The following MFNG variants were observed in gnomAD, a reference collection of about 807,000 sequenced individuals.
The protein encoded by MFNG is beta-1,3-N-acetylglucosaminyltransferase manic fringe.
MFNG carries 24 observed loss-of-function variants against 34.2 expected under a neutral mutation model. The ratio of observed to expected loss-of-function variants is 0.70; its 90% CI spans 0.51 to 0.99. The LOEUF (loss-of-function observed/expected upper bound fraction) is 0.99, where lower values mean the gene tolerates loss of function less well. Ranked by LOEUF, MFNG falls within the 50% of genes least tolerant of loss-of-function variation. MFNG has a pLI of 0.00. For missense variants in MFNG, 383 were observed against 424.0 expected (o/e 0.90, Z 0.85); for synonymous variants, 158 against 179.2 (o/e 0.88, Z 0.94).
chr22:37,472,809 C>G, intron 6 of MFNG: 1 of 313,368 alleles, frequency 3.2e-6, no homozygotes. Flanking sequence ...TGAGGCTCAA[C>G]AGGAAAAGGC....
chr22:37,480,609 G>A, intron 2 of MFNG, 112 bp downstream of exon 2: 1 of 1,035,210 alleles, frequency 9.7e-7, no homozygotes, highest in Non-Finnish European at 1.5e-6. Flanking sequence ...ATCTCCACAT[G>A]CCAAGGGTGG....
chr22:37,473,358 G>A (rs1921892088), intron 6 of MFNG, among the ~76,000 whole-genome samples: 1 of 152,070 alleles, frequency 6.6e-6, no homozygotes, highest in Admixed American at 6.6e-5. Context: ...GAACCCGGGA[G>A]GTGGAGGTTG....
chr22:37,472,924 C>A (rs140608847), intron 6 of MFNG, among the ~76,000 whole-genome samples: 257 of 152,284 alleles, frequency 1.7e-3, no homozygotes, highest in African/African-American at 5.7e-3. Context: ...CTCCACCAGG[C>A]AGTGACGACA....
At chr22:37,475,899 G>C (rs913595525) in intron 5 of MFNG, among the ~76,000 whole-genome samples, 1 of 152,190 alleles carries the variant, frequency 6.6e-6, no homozygotes, top group African/African-American at 2.4e-5. Flanking sequence ...CAATGAGCCC[G>C]CTCTTGTCCA....
intron 4 of MFNG, among the ~76,000 whole-genome samples, chr22:37,477,802 G>C (rs946100354): frequency 6.6e-5 from 10 of 152,252 alleles, no homozygotes; most frequent in African/African-American, 2.4e-4. Flanking sequence ...TCATTCCAAG[G>C]ACTTGGAGAG....
chr22:37,475,041 T>C (rs1032693827), intron 5 of MFNG, among the ~76,000 whole-genome samples: 3 of 152,072 alleles, frequency 2.0e-5, no homozygotes, highest in African/African-American at 4.8e-5. Flanking sequence ...GATACAGAGA[T>C]GAGAAAGAAA....
chr22:37,471,676 C>T (rs546969482), intron 7 of MFNG, among the ~76,000 whole-genome samples: 1 of 152,070 alleles, frequency 6.6e-6, no homozygotes, highest in South Asian at 2.1e-4. Flanking sequence ...ACTAAAAACA[C>T]AAAAATTAGC....
intron 5 of MFNG, among the ~76,000 whole-genome samples, 185 bp from the exon 6 acceptor site, chr22:37,474,862 AAATGGGGATGCT>A (rs1921970916): frequency 6.6e-6 from 1 of 152,224 alleles, no homozygotes; most frequent in African/African-American, 2.4e-5. Context: ...CTGTTCTGTG[AAATGGGGATGCT>A]AATGGCCGTG....
intron 5 of MFNG, among the ~76,000 whole-genome samples, chr22:37,476,616 G>A (rs1280620520): frequency 6.6e-6 from 1 of 152,104 alleles, no homozygotes; most frequent in Non-Finnish European, 1.5e-5. Context: ...TACACCATTG[G>A]CCACTGCATT....
At chr22:37,480,066 A>C (rs1922222057) in intron 3 of MFNG, 131 bp downstream of exon 3, 1 of 656,112 alleles carries the variant, frequency 1.5e-6, no homozygotes, top group African/African-American at 1.8e-5. Flanking sequence ...ACTGGAACCC[A>C]GCTGGACTTC....
Position 37,483,807 on chromosome 22 carries a change from CAG to C in MFNG, c.255+2114_255+2115del, listed in dbSNP as rs911209174. On this transcript the variant is annotated intron_variant, in intron 1 of 7. Transcript: ENST00000356998. The surrounding 1 kb of genome is among the most constrained non-coding windows in gnomAD (Gnocchi z 4.5). ...AAAACAAAACACCAGCAGCCATGAA[CAG>C]AGTGAGGGAGAGAGCCGGGAAGGGG... Among the ~76,000 whole-genome samples, 6 of 151,904 alleles carry C rather than the reference CAG, an allele frequency of 3.9e-5. No individual in the cohort carries two copies. The highest frequency in any genetic ancestry group is 1.5e-4 in the African/African-American group (6 of 41,330).
intron 6 of MFNG, among the ~76,000 whole-genome samples, chr22:37,473,603 A>C (rs924137846): frequency 2.0e-5 from 3 of 152,120 alleles, no homozygotes; most frequent in Admixed American, 6.5e-5. Flanking sequence ...AGGCCTGGCC[A>C]ATCAACACTA....
chr22:37,473,180 G>A (rs779097082), intron 6 of MFNG, among the ~76,000 whole-genome samples: 85 of 152,286 alleles, frequency 5.6e-4, no homozygotes, highest in Middle Eastern at 3.4e-3. Context: ...GCTCATGCCT[G>A]TAATCCCAGC....
intron 1 of MFNG, among the ~76,000 whole-genome samples, chr22:37,484,015 A>C (rs1166326095): frequency 6.6e-6 from 1 of 152,160 alleles, no homozygotes; most frequent in Non-Finnish European, 1.5e-5. Context: ...CAGCCGCGGG[A>C]AACAAAGGGA....
rs1211495154 is a variant in MFNG, at chr22:37,469,235, C to T, written c.*728G>A. The T allele has an allele frequency of 6.5e-6, 1 of 153,434 alleles. No individual in the cohort carries two copies. The highest frequency in any genetic ancestry group is 1.9e-4 in the East Asian group (1 of 5,202). 9.5% of individuals were successfully genotyped at this position (153,434 alleles called of 1,614,324 possible). A position where few individuals can be genotyped will look rare whatever the true frequency, so the allele number is the denominator to read the frequency against. ...GGGGAGTGGGCTGCAAAACCTTCCC[C>T]AGAAACATCTCTATTGGATTTGCTT... is the stretch of plus-strand genomic sequence containing the variant. On this transcript the variant is annotated 3_prime_UTR_variant, in exon 8 of 8. Coordinates refer to ENST00000356998, the MANE Select transcript of MFNG (RefSeq NM_002405.4).
chr22:37,472,050 G>A (rs953046005), intron 7 of MFNG, among the ~76,000 whole-genome samples: 1 of 151,986 alleles, frequency 6.6e-6, no homozygotes, highest in Admixed American at 6.6e-5. Context: ...AAGAAACAAG[G>A]AGTCCAAAAG....
chr22:37,474,263 C>T (rs1199399946), intron 6 of MFNG, among the ~76,000 whole-genome samples: 2 of 152,122 alleles, frequency 1.3e-5, no homozygotes, highest in African/African-American at 2.4e-5. Flanking sequence ...CATTTGAGGA[C>T]CAGATCAAAG....
At chr22:37,476,034 G>T (rs779730826) in intron 5 of MFNG, among the ~76,000 whole-genome samples, 6 of 152,158 alleles carry the variant, frequency 3.9e-5, no homozygotes, top group Non-Finnish European at 7.4e-5. Flanking sequence ...GCTGACCTCA[G>T]ACTGGCTTAA....
intron 5 of MFNG, among the ~76,000 whole-genome samples, chr22:37,476,513 C>T (rs1922047102): frequency 6.6e-6 from 1 of 152,068 alleles, no homozygotes; most frequent in Non-Finnish European, 1.5e-5. Context: ...TTAGATTTGG[C>T]CTTCACCTCC....
Sources: allele counts gnomAD v4.1 joint callset (sites outside exome capture counted in the v4.1 genomes callset), GRCh38; gene constraint gnomAD v4.1.1; non-coding constraint Gnocchi (gnomAD v3.1); transcripts MANE v1.5; gene names NCBI Gene and HGNC (gene_info 2026-07-23, HGNC 2026-07-21).